Variants in UQCC1 observed in about 807,000 individuals in gnomAD.
UQCC1 encodes the protein bFGF-repressed Zic-binding protein.
A neutral mutation model predicts 48.0 loss-of-function variants in UQCC1; 38 were observed. The ratio of observed to expected loss-of-function variants is 0.79; its 90% CI spans 0.61 to 1.04. The LOEUF (loss-of-function observed/expected upper bound fraction) is 1.04, where lower values mean the gene tolerates loss of function less well. UQCC1 is among the 50% of genes least tolerant of loss of function. The pLI is 0.00. For missense variants in UQCC1, 368 were observed against 381.8 expected, an observed-to-expected ratio of 0.96 and a Z score of 0.30; for synonymous variants, 111 against 129.2, an observed-to-expected ratio of 0.86 and a Z score of 0.95.
chr20:35,385,872 TA>T (rs1315006047), intron 2 of UQCC1, among the ~76,000 whole-genome samples: 1 of 151,280 alleles, frequency 6.6e-6, no homozygotes, highest in African/African-American at 2.4e-5. Context: ...ACAGCAGTTT[TA>T]GGCTCATAGC....
rs574012324 is a variant in UQCC1 at position 35,392,314 on chromosome 20, G to A, written c.129+1778C>T. The A allele has an allele frequency of 4.2e-5, 55 of 1,301,594 alleles. No homozygotes were observed. The African/African-American group carries it at 4.6e-4, about 11-fold the overall frequency. 80.6% of individuals were successfully genotyped at this position (1,301,594 alleles called of 1,614,324 possible). On this transcript the variant is annotated intron_variant, in intron 2 of 9. Transcript: ENST00000374385. Reference sequence around the variant, plus strand: ...GAAGATACTCCAGTAAGTTACAGTCGATACGACAAAAGGTCCAGTTGATTT... The same window carrying A: ...GAAGATACTCCAGTAAGTTACAGTCAATACGACAAAAGGTCCAGTTGATTT...
intron 6 of UQCC1, 78 bp from the exon 7 acceptor site, chr20:35,347,350 T>C: frequency 1.3e-6 from 2 of 1,563,492 alleles, no homozygotes; most frequent in African/African-American, 2.7e-5. Context: ...GGTCTCCTCA[T>C]CTAAGAGTGA....
chr20:35,393,752 G>T (rs1033574953), intron 2 of UQCC1, among the ~76,000 whole-genome samples: 1 of 151,824 alleles, frequency 6.6e-6, no homozygotes, highest in African/African-American at 2.4e-5. Flanking sequence ...AAAGGAAAAA[G>T]AAATAATTAT....
At chr20:35,305,184 G>A (rs563942949) in intron 9 of UQCC1, among the ~76,000 whole-genome samples, 238 of 152,202 alleles carry the variant, frequency 1.6e-3, no homozygotes, top group Non-Finnish European at 2.8e-3. Flanking sequence ...CTGGCTCCTC[G>A]AGGGCAGGAC....
chr20:35,403,164 A>G (rs1461862217), intron 1 of UQCC1, among the ~76,000 whole-genome samples: 1 of 152,218 alleles, frequency 6.6e-6, no homozygotes, highest in Admixed American at 6.5e-5. Flanking sequence ...TACAGGAAAG[A>G]TTTGAATAAA....
At chr20:35,336,108 A>C (rs117875609) in intron 7 of UQCC1, among the ~76,000 whole-genome samples, 4,081 of 152,356 alleles carry the variant, frequency 0.027, 63 homozygotes, top group Non-Finnish European at 0.042. Context: ...GAAAGAAACA[A>C]CACTTGGGTT....
At position 35,303,750 on chromosome 20, in the gene UQCC1, T is replaced by C; in HGVS notation, c.*185A>G. ...AGAGCTAGGGGTTCTCCCAGCCCTGTACCCCAGCAGATCAGACTCCTGGGC... is the reference window on the plus strand; with the variant it reads ...AGAGCTAGGGGTTCTCCCAGCCCTGCACCCCAGCAGATCAGACTCCTGGGC... On this transcript the variant is annotated 3_prime_UTR_variant, in exon 10 of 10. Transcript: ENST00000374385. The C allele has an allele frequency of 2.5e-6, 2 of 804,132 alleles. No homozygotes were observed. The highest frequency in any genetic ancestry group is 3.9e-6 in the Non-Finnish European group (2 of 508,614). The allele number at this position is 804,132 out of a possible 1,614,324, so 49.8% of individuals were successfully genotyped here.
chr20:35,399,925 C>T (rs866024753), intron 1 of UQCC1, among the ~76,000 whole-genome samples: 53 of 119,576 alleles, frequency 4.4e-4, no homozygotes, highest in Admixed American at 6.8e-4. Flanking sequence ...CTACTCAGTC[C>T]TTTTTTTTTT....
intron 1 of UQCC1, among the ~76,000 whole-genome samples, chr20:35,405,285 A>C (rs2062234996): frequency 1.3e-5 from 2 of 152,184 alleles, no homozygotes; most frequent in Non-Finnish European, 2.9e-5. Flanking sequence ...CAGAGACTTC[A>C]GTAGCCACAA....
At chr20:35,366,490 T>A (rs1342105412) in intron 6 of UQCC1, 67 bp downstream of exon 6, 4 of 1,426,986 alleles carry the variant, frequency 2.8e-6, no homozygotes, top group Non-Finnish European at 3.9e-6. Flanking sequence ...TCCTGAAGGC[T>A]ATACCTTACA....
intron 6 of UQCC1, among the ~76,000 whole-genome samples, chr20:35,366,232 T>C (rs1174891885): frequency 6.6e-6 from 1 of 152,216 alleles, no homozygotes; most frequent in East Asian, 1.9e-4. Flanking sequence ...CACTTTTACG[T>C]AAATGTGAAC....
At chr20:35,352,451 T>C (rs1048206399) in intron 6 of UQCC1, among the ~76,000 whole-genome samples, 3 of 152,164 alleles carry the variant, frequency 2.0e-5, no homozygotes, top group African/African-American at 7.2e-5. Context: ...AAGTTAACCT[T>C]TTCTTCCCAG....
At chr20:35,342,245 T>C (rs922393666) in intron 7 of UQCC1, among the ~76,000 whole-genome samples, 4 of 152,170 alleles carry the variant, frequency 2.6e-5, no homozygotes, top group African/African-American at 9.7e-5. Context: ...TCCCTTCCCA[T>C]CTCTGTCTTG....
chr20:35,361,244 T>C, intron 6 of UQCC1, among the ~76,000 whole-genome samples: 1 of 129,916 alleles, frequency 7.7e-6, no homozygotes, highest in South Asian at 3.3e-4. Flanking sequence ...TGAAAACCAC[T>C]AGATCCCTCT....
At chr20:35,334,586 CATT>C (rs2146354765) in intron 7 of UQCC1, among the ~76,000 whole-genome samples, 1 of 152,322 alleles carries the variant, frequency 6.6e-6, no homozygotes, top group South Asian at 2.1e-4. Context: ...AATTTAAAAA[CATT>C]ATAATTTCTT....
At chr20:35,306,869 T>A (rs1283902223) in intron 8 of UQCC1, 90 bp from the exon 9 acceptor site, 1 of 1,040,448 alleles carries the variant, frequency 9.6e-7, no homozygotes, top group Non-Finnish European at 1.5e-6. Flanking sequence ...CTAGCAACCA[T>A]GGAATCAGCT....
At chr20:35,385,113 A>G (rs1308905072) in intron 2 of UQCC1, among the ~76,000 whole-genome samples, 1 of 152,178 alleles carries the variant, frequency 6.6e-6, no homozygotes, top group East Asian at 1.9e-4. Flanking sequence ...TAAAGACACC[A>G]GCCACTTTTA....
At chr20:35,304,394 C>T (rs1042108511) in intron 9 of UQCC1, among the ~76,000 whole-genome samples, 1 of 152,168 alleles carries the variant, frequency 6.6e-6, no homozygotes, top group Non-Finnish European at 1.5e-5. Flanking sequence ...CCCTAGACAG[C>T]TCCTGCAGGC....
intron 1 of UQCC1, among the ~76,000 whole-genome samples, chr20:35,402,451 G>A (rs998908522): frequency 6.6e-6 from 1 of 151,892 alleles, no homozygotes; most frequent in African/African-American, 2.4e-5. Context: ...GGTGGTGGGC[G>A]CCTGTAGTCC....
Sources: gnomAD v4.1 joint callset for allele counts (sites outside exome capture counted in the v4.1 genomes callset) on GRCh38, gnomAD v4.1.1 for gene constraint, MANE v1.5 for transcripts, NCBI Gene and HGNC (gene_info 2026-07-23, HGNC 2026-07-21) for gene names.